FUCA1: variants seen among roughly 807,000 people sequenced by gnomAD.
The protein encoded by FUCA1 is tissue alpha-L-fucosidase.
In FUCA1, 52 loss-of-function variants were observed where a neutral mutation model predicts 56.8. The observed-to-expected ratio is 0.92, with a 90% CI of 0.73 to 1.15. The LOEUF is 1.15. Ranked by LOEUF, FUCA1 falls within the 50% of genes most tolerant of loss-of-function variation. The probability of loss-of-function intolerance (pLI) is 0.00; values close to 1 mark genes in which losing one functional copy is unlikely to be tolerated. For synonymous variants in FUCA1, 230 were observed against 226.6 expected, an observed-to-expected ratio of 1.02 and a Z score of -0.14; for missense variants, 568 against 592.6, an observed-to-expected ratio of 0.96 and a Z score of 0.43.
intron 2 of FUCA1, among the ~76,000 whole-genome samples, chr1:23,863,712 T>C (rs1639558611): frequency 6.6e-6 from 1 of 151,592 alleles, no homozygotes; most frequent in Admixed American, 6.6e-5. Flanking sequence ...ATTAGCTGAG[T>C]GTGGTGGTGC....
chr1:23,865,856 C>A (rs947778663), intron 1 of FUCA1, among the ~76,000 whole-genome samples: 1 of 152,196 alleles, frequency 6.6e-6, no homozygotes, highest in African/African-American at 2.4e-5. Flanking sequence ...CAGTCCCCAG[C>A]AAAGGAGGAG....
Position 23,867,915 on chromosome 1 carries a change from G to A in FUCA1, c.372C>T (p.Phe124=). ...FFHPEEWADL[F]QAAGAKYVVL... is the part of the protein sequence containing the mutation. ...ACACTCACTTGGCGCCCGCGGCCTG[G>A]AAGAGGTCGGCCCACTCCTCCGGGT... The change falls in exon 1 of 8, where the codon TTC becomes TTT. Residue 124 remains phenylalanine, a synonymous_variant. Transcript: ENST00000374479. The surrounding 1 kb of genome is among the most constrained non-coding windows in gnomAD (Gnocchi z 4.9). 1 of 1,551,830 alleles carries A rather than the reference G, an allele frequency of 6.4e-7. No individual in the cohort carries two copies. The highest frequency in any genetic ancestry group is 8.7e-7 in the Non-Finnish European group (1 of 1,148,140).
chr1:23,851,381 T>C (rs61779508), intron 5 of FUCA1, among the ~76,000 whole-genome samples: 21,509 of 112,754 alleles, frequency 0.19, 1,613 homozygotes, highest in East Asian at 0.25. Flanking sequence ...TAAATAAATA[T>C]ACACATACAT....
Position 23,863,247 on chromosome 1 carries a change from G to A in FUCA1, c.549C>T (p.His183=). 1 of 1,613,538 alleles carries A rather than the reference G, an allele frequency of 6.2e-7. No individual in the cohort carries two copies. Among genetic ancestry groups the A allele is most frequent in the Non-Finnish European group, 8.5e-7 (1 of 1,179,824 alleles). The change falls in exon 3 of 8, where the codon CAC becomes CAT. Residue 183 remains histidine (H), a synonymous_variant. Transcript: ENST00000374479. ...GTGGATGGAACCACTCTAAGAGTGA[G>A]TGGTATAGTCCATAGCGGATGTTCC... ...RKRNIRYGLY[H]SLLEWFHPLY...
rs1226718016 is a variant in FUCA1 at position 23,865,681 on chromosome 1, T to C, written c.390-56A>G. The C allele has an allele frequency of 4.4e-6, 7 of 1,603,862 alleles. No individual in the cohort carries two copies. In the Middle Eastern group the frequency reaches 5.0e-4, roughly 115 times the overall value. ...AAGTGGGCAGTGAACTTGCATGAAC[T>C]TGCCCAGCATGCCTGAGGCTTTTTA... On this transcript the variant is annotated intron_variant, in intron 1 of 7. Transcript: ENST00000374479.
chr1:23,845,809 G>C lies in FUCA1; in HGVS notation c.1307C>G (p.Pro436Arg). 4 of 1,613,710 alleles carry C rather than the reference G, an allele frequency of 2.5e-6. No individual in the cohort carries two copies. Among genetic ancestry groups the C allele is most frequent in the Non-Finnish European group, 3.4e-6 (4 of 1,179,570 alleles). Reference sequence around the variant, plus strand: ...TAGAGAGATGAAGAGACCTTTATCTGGATCTGTGGACCACTTCAGATCTCC... The same window carrying C: ...TAGAGAGATGAAGAGACCTTTATCTCGATCTGTGGACCACTTCAGATCTCC... ...IQGDLKWSTDPDKGLFISLPQ... is the reference protein window; with the variant it reads ...IQGDLKWSTDRDKGLFISLPQ... Residue 436 changes from proline to arginine, a missense_variant, in exon 8 of 8, where the codon CCA (proline) becomes CGA (arginine). Physicochemically the swap from Pro to Arg is moderately radical, Grantham distance 103. Coordinates refer to ENST00000374479, the MANE Select transcript of FUCA1 (RefSeq NM_000147.5).
intron 4 of FUCA1, among the ~76,000 whole-genome samples, chr1:23,857,813 A>T (rs1221644652): frequency 9.2e-5 from 14 of 151,602 alleles, no homozygotes; most frequent in Admixed American, 9.2e-4. Flanking sequence ...GACTACAGGC[A>T]TGTAAAAATT....
intron 5 of FUCA1, among the ~76,000 whole-genome samples, chr1:23,850,833 T>C (rs1019194795): frequency 6.6e-6 from 1 of 152,044 alleles, no homozygotes; most frequent in African/African-American, 2.4e-5. Flanking sequence ...CTATGTTGTT[T>C]AGGCTGGTCT....
chr1:23,861,386 T>C (rs917530122), intron 3 of FUCA1, among the ~76,000 whole-genome samples: 7 of 148,290 alleles, frequency 4.7e-5, no homozygotes, highest in African/African-American at 1.7e-4. Flanking sequence ...TGTATACATA[T>C]GTAATTAACC....
chr1:23,849,575 CTTTTTTTT>C (rs991049814), intron 5 of FUCA1, among the ~76,000 whole-genome samples: 1 of 80,262 alleles, frequency 1.2e-5, no homozygotes, highest in Non-Finnish European at 2.3e-5. Flanking sequence ...GAGATACGTT[CTTTTTTTT>C]TTTTTTTTTT....
In FUCA1 at chr1:23,854,679, ACT is replaced by A. The variant is rs1331463067; in HGVS notation, c.769-121_769-120del. The A allele has an allele frequency of 4.7e-6, 4 of 844,894 alleles. No homozygotes were observed. The African/African-American group carries it at 6.6e-5, about 14-fold the overall frequency. 52.3% of individuals were successfully genotyped at this position (844,894 alleles called of 1,614,324 possible). On this transcript the variant is annotated intron_variant, in intron 4 of 7. Coordinates refer to ENST00000374479, the MANE Select transcript of FUCA1 (RefSeq NM_000147.5). ...ACTTAGTCTAGAGCAGTGGCTGTCAACTGGGGGCAATTTTGCTCTGGAGGGGA... is the reference window on the plus strand; with the variant it reads ...ACTTAGTCTAGAGCAGTGGCTGTCAAGGGGGCAATTTTGCTCTGGAGGGGA...
chr1:23,849,546 T>C (rs1037667276), intron 5 of FUCA1, among the ~76,000 whole-genome samples: 1 of 151,408 alleles, frequency 6.6e-6, no homozygotes, highest in African/African-American at 2.4e-5. Context: ...TGCTGCCCCT[T>C]TGGGAAAACT....
intron 5 of FUCA1, among the ~76,000 whole-genome samples, chr1:23,853,771 C>G (rs1285919472): frequency 1.3e-5 from 2 of 151,698 alleles, no homozygotes; most frequent in African/African-American, 2.4e-5. Flanking sequence ...TACCCACAAC[C>G]CTGTGCTCTC....
intron 3 of FUCA1, among the ~76,000 whole-genome samples, chr1:23,861,993 A>G (rs1639519827): frequency 6.6e-6 from 1 of 152,230 alleles, no homozygotes; most frequent in African/African-American, 2.4e-5. Flanking sequence ...CATTTCACAG[A>G]TAGAGAAACC....
chr1:23,863,199 A>T lies in FUCA1; in HGVS notation c.597T>A (p.Asn199Lys), dbSNP rs771843885. Reference sequence around the variant, plus strand: ...TGACAAAATGCTGTGTTTTGAAGCCATTTTTCTTATCAAGTAGATAGAGTG... The same window carrying T: ...TGACAAAATGCTGTGTTTTGAAGCCTTTTTTCTTATCAAGTAGATAGAGTG... ...FHPLYLLDKKNGFKTQHFVSA... is the reference protein window; with the variant it reads ...FHPLYLLDKKKGFKTQHFVSA... Residue 199 changes from asparagine to lysine, a missense_variant, in exon 3 of 8, where the codon AAT (asparagine) becomes AAA (lysine). Physicochemically the swap from Asn to Lys is moderately conservative, Grantham distance 94 (BLOSUM62 0). Coordinates refer to ENST00000374479, the MANE Select transcript of FUCA1 (RefSeq NM_000147.5). 1.9e-6 allele frequency: 3 copies of T among 1,613,942 alleles called. No homozygotes were observed. In the South Asian group the frequency reaches 3.3e-5, roughly 18 times the overall value.
Position 23,863,235 on chromosome 1 carries a change from C to G in FUCA1, c.561G>C (p.Glu187Asp). ...IRYGLYHSLLEWFHPLYLLDK... is the reference protein window; with the variant it reads ...IRYGLYHSLLDWFHPLYLLDK... ...CAAGTAGATAGAGTGGATGGAACCACTCTAAGAGTGAGTGGTATAGTCCAT... is the reference window on the plus strand; with the variant it reads ...CAAGTAGATAGAGTGGATGGAACCAGTCTAAGAGTGAGTGGTATAGTCCAT... Residue 187 changes from glutamate (E) to aspartate (D), a missense_variant, in exon 3 of 8, where the codon GAG becomes GAC. Physicochemically the swap from Glu to Asp is conservative, Grantham distance 45 (BLOSUM62 2). Coordinates refer to ENST00000374479, the MANE Select transcript of FUCA1 (RefSeq NM_000147.5). The G allele has an allele frequency of 1.9e-6, 3 of 1,613,740 alleles. No individual in the cohort carries two copies. The highest frequency in any genetic ancestry group is 2.5e-6 in the Non-Finnish European group (3 of 1,179,916).
rs746884148 is a variant in FUCA1 at position 23,846,081 on chromosome 1, G to A, written c.1253C>T (p.Thr418Ile). 1 of 1,611,824 alleles carries A rather than the reference G, an allele frequency of 6.2e-7. No homozygotes were observed. The highest frequency in any genetic ancestry group is 8.5e-7 in the Non-Finnish European group (1 of 1,177,948). Residue 418 changes from threonine to isoleucine, a missense_variant, in exon 7 of 8, where the codon ACT becomes ATT. Transcript: ENST00000374479. Reference sequence around the variant, plus strand: ...CTGACTAAGCCTCTTTACCTTTGTAGTTGAGGTAGTTATGGGGGATTCAAG... The same window carrying A: ...CTGACTAAGCCTCTTTACCTTTGTAATTGAGGTAGTTATGGGGGATTCAAG... The part of the protein sequence containing the change: ...LNLESPITTS[T>I]TKITMLGIQG...
chr1:23,851,366 A>G (rs1639252840), intron 5 of FUCA1, among the ~76,000 whole-genome samples: 2 of 80 alleles, frequency 0.025, no homozygotes, highest in African/African-American at 0.037. Flanking sequence ...TCGTTCATAA[A>G]TAAATAAATA....
intron 3 of FUCA1, among the ~76,000 whole-genome samples, chr1:23,860,620 A>AT (rs1639488111): frequency 6.9e-6 from 1 of 144,202 alleles, no homozygotes; most frequent in African/African-American, 2.5e-5. Context: ...ATTTTGGTAT[A>AT]TTTCCTCCTG....
Sources: allele counts gnomAD v4.1 joint callset (sites outside exome capture counted in the v4.1 genomes callset), GRCh38; gene constraint gnomAD v4.1.1; non-coding constraint Gnocchi (gnomAD v3.1); transcripts MANE v1.5; gene names NCBI Gene and HGNC (gene_info 2026-07-23, HGNC 2026-07-21).